CNTNAP2: variants seen among roughly 807,000 people sequenced by gnomAD.
CNTNAP2 encodes the protein contactin associated protein 2.
Under a neutral mutation model 155.2 loss-of-function variants are expected in CNTNAP2, and 98 were observed. The ratio of observed to expected loss-of-function variants is 0.63; its 90% CI spans 0.54 to 0.75. CNTNAP2 has a LOEUF of 0.75. Ranked by LOEUF, CNTNAP2 falls within the 30% of genes least tolerant of loss-of-function variation. The pLI, the probability that CNTNAP2 is intolerant of heterozygous loss-of-function variation, is 0.00. For missense variants in CNTNAP2, 1,727 were observed against 1,688.1 expected, an observed-to-expected ratio of 1.02 and a Z score of -0.40; for synonymous variants, 651 against 631.2, an observed-to-expected ratio of 1.03 and a Z score of -0.47.
intron 15 of CNTNAP2, among the ~76,000 whole-genome samples, chr7:148,103,812 C>T (rs1206211641): frequency 4.6e-5 from 7 of 152,162 alleles, no homozygotes; most frequent in African/African-American, 1.7e-4. Flanking sequence ...TGCAGGCTTT[C>T]TTTCAATAGT....
chr7:146,731,227 G>T (rs763326421), intron 1 of CNTNAP2, among the ~76,000 whole-genome samples: 11 of 152,126 alleles, frequency 7.2e-5, no homozygotes, highest in Admixed American at 1.3e-4. Flanking sequence ...CATGATGGGG[G>T]ATGAGGGGAG....
chr7:147,199,597 G>T (rs73457336), intron 8 of CNTNAP2, among the ~76,000 whole-genome samples: 6,505 of 144,472 alleles, frequency 0.045, 425 homozygotes, highest in African/African-American at 0.15. Flanking sequence ...AATAGAATGG[G>T]TTTTTTTTTT....
intron 8 of CNTNAP2, among the ~76,000 whole-genome samples, chr7:147,232,129 A>C: frequency 6.6e-6 from 1 of 152,246 alleles, no homozygotes; most frequent in South Asian, 2.1e-4. Flanking sequence ...AAGAAGGTGA[A>C]GATCTGTACA....
intron 18 of CNTNAP2, among the ~76,000 whole-genome samples, chr7:148,185,314 G>A: frequency 6.6e-6 from 1 of 152,138 alleles, no homozygotes; most frequent in East Asian, 1.9e-4. Context: ...ATTTGGCCTG[G>A]AACATCATTA....
At chr7:146,199,165 A>G (rs1020091127) in intron 1 of CNTNAP2, among the ~76,000 whole-genome samples, 8 of 152,232 alleles carry the variant, frequency 5.3e-5, no homozygotes, top group African/African-American at 1.9e-4. Context: ...CCTAAAAATT[A>G]TTCCATCTCT....
chr7:146,120,800 C>T (rs1004206242), intron 1 of CNTNAP2, among the ~76,000 whole-genome samples: 3 of 152,096 alleles, frequency 2.0e-5, no homozygotes, highest in Non-Finnish European at 4.4e-5. Context: ...AGTGTAATAA[C>T]ATGCAGTACA....
At chr7:146,972,497 A>G (rs1326883996) in intron 3 of CNTNAP2, among the ~76,000 whole-genome samples, 2 of 152,328 alleles carry the variant, frequency 1.3e-5, no homozygotes, top group East Asian at 1.9e-4. Context: ...ATTATTTACT[A>G]TCTGTGTATG....
chr7:147,298,477 TA>T (rs772371560), intron 8 of CNTNAP2, among the ~76,000 whole-genome samples: 1 of 151,802 alleles, frequency 6.6e-6, no homozygotes, highest in African/African-American at 2.4e-5. Flanking sequence ...TTGAAAATCC[TA>T]AAAAAAACCC....
Position 146,902,525 on chromosome 7 carries a change from A to G in CNTNAP2, c.402+62621A>G, listed in dbSNP as rs75086329. Among the ~76,000 whole-genome samples, 4 of 152,338 alleles carry G rather than the reference A, an allele frequency of 2.6e-5. 1 individual carries two copies. The highest frequency in any genetic ancestry group is 5.9e-5 in the Non-Finnish European group (4 of 68,032). ...TTGTAATCTTATATGTAGAAACTGT[A>G]TAAAGGGTATGCAAAAACAGTATGC... On this transcript the variant is annotated intron_variant, in intron 3 of 23. Coordinates refer to ENST00000361727, the MANE Select transcript of CNTNAP2 (RefSeq NM_014141.6).
Position 147,704,988 on chromosome 7 carries a change from T to A in CNTNAP2, c.2098+65682T>A, listed in dbSNP as rs1190852034. ...CTTGGCTTGTCTAGCTAACAGTTTA[T>A]TGATTTCATCTTTTAAAAAACCAAC... On this transcript the variant is annotated intron_variant, in intron 13 of 23. Transcript: ENST00000361727. 2.0e-5 allele frequency among the ~76,000 whole-genome samples: 3 copies of A among 152,140 alleles called. No homozygotes were observed. The East Asian group carries it at 5.8e-4, about 29-fold the overall frequency.
At chr7:147,765,883 G>T (rs1797375094) in intron 13 of CNTNAP2, among the ~76,000 whole-genome samples, 1 of 152,070 alleles carries the variant, frequency 6.6e-6, no homozygotes, top group South Asian at 2.1e-4. Flanking sequence ...ATACTACCCA[G>T]CCAAAAAAGG....
At chr7:147,049,005 A>G (rs541184463) in intron 4 of CNTNAP2, among the ~76,000 whole-genome samples, 1 of 152,340 alleles carries the variant, frequency 6.6e-6, no homozygotes, top group Non-Finnish European at 1.5e-5. Flanking sequence ...GAGACTGGGT[A>G]ATCTAGAAAG....
chr7:147,539,185 T>A (rs1258566629), intron 11 of CNTNAP2, among the ~76,000 whole-genome samples: 1 of 152,210 alleles, frequency 6.6e-6, no homozygotes, highest in Non-Finnish European at 1.5e-5. Context: ...ATCTTTAGTA[T>A]TCTCCATATC....
intron 4 of CNTNAP2, among the ~76,000 whole-genome samples, chr7:147,089,874 G>A (rs1229872545): frequency 6.6e-6 from 1 of 152,204 alleles, no homozygotes; most frequent in African/African-American, 2.4e-5. Context: ...CACCAAAGGT[G>A]TCTCAGGGCC....
At chr7:146,481,328 T>A (rs1434788418) in intron 1 of CNTNAP2, among the ~76,000 whole-genome samples, 1 of 152,232 alleles carries the variant, frequency 6.6e-6, no homozygotes, top group East Asian at 1.9e-4. Flanking sequence ...CAGGATATAT[T>A]TTCCAAGGCA....
intron 18 of CNTNAP2, among the ~76,000 whole-genome samples, chr7:148,198,137 G>T (rs1238634162): frequency 6.6e-6 from 1 of 152,166 alleles, no homozygotes; most frequent in South Asian, 2.1e-4. Context: ...GTTCCAAAGG[G>T]ACTGACCCAA....
intron 1 of CNTNAP2, among the ~76,000 whole-genome samples, chr7:146,250,100 A>G (rs544574526): frequency 1.3e-5 from 2 of 152,298 alleles, no homozygotes; most frequent in Non-Finnish European, 2.9e-5. Flanking sequence ...AAATTACCCC[A>G]AAGTTAACCT....
chr7:147,842,564 T>G (rs1429952546), intron 13 of CNTNAP2, among the ~76,000 whole-genome samples: 1 of 146,288 alleles, frequency 6.8e-6, no homozygotes, highest in Admixed American at 7.0e-5. Context: ...TTTCTTTTTT[T>G]TTTTTTTTTA....
At chr7:146,692,675 G>A (rs1800717747) in intron 1 of CNTNAP2, among the ~76,000 whole-genome samples, 1 of 152,090 alleles carries the variant, frequency 6.6e-6, no homozygotes, top group South Asian at 2.1e-4. Flanking sequence ...ATCACTGTAA[G>A]CATCAGTTTT....
Sources: allele counts gnomAD v4.1 joint callset (sites outside exome capture counted in the v4.1 genomes callset), GRCh38; gene constraint gnomAD v4.1.1; transcripts MANE v1.5; gene names NCBI Gene and HGNC (gene_info 2026-07-23, HGNC 2026-07-21).